Variants in ZNF454 observed in about 807,000 individuals in gnomAD.
ZNF454 encodes the protein zinc finger protein 454.
In ZNF454, 30 loss-of-function variants were observed where a neutral mutation model predicts 48.2. The observed-to-expected ratio is 0.62, with a 90% confidence interval of 0.47 to 0.84. The LOEUF is 0.84. ZNF454 is among the 40% of genes least tolerant of loss of function. The pLI is 0.00. For missense variants in ZNF454, 510 were observed against 623.1 expected (o/e 0.82, Z 1.93); for synonymous variants, 204 against 211.4 (o/e 0.97, Z 0.30).
chr5:178,942,939 C>T, intron 2 of ZNF454, 115 bp downstream of exon 2: 1 of 1,210,454 alleles, frequency 8.3e-7, no homozygotes, highest in South Asian at 1.6e-5. Context: ...ACACTGACCT[C>T]AGTTGCCTCT....
chr5:178,983,513 C>A, the ZNF454 span: 1 of 616,604 alleles, frequency 1.6e-6, no homozygotes, highest in South Asian at 1.5e-5. Flanking sequence ...TAAGGGGCAG[C>A]TTGGTGTCCT....
chr5:178,965,931 A>G lies in ZNF454; in HGVS notation c.1527A>G (p.Ala509=). ...NKCGKAFNQT[A]NLIQHQRHHI... The stretch of plus-strand genomic sequence containing the variant: ...GTGGGAAAGCTTTTAACCAGACTGC[A>G]AACCTCATTCAGCATCAGAGACATC... Residue 509 remains alanine (A), a synonymous_variant, in exon 5 of 5, where the codon GCA becomes GCG. Transcript: ENST00000519564. This position sits in a 1 kb window ranked among gnomAD's most constrained non-coding sequence, Gnocchi z 5.2. 6.2e-7 allele frequency: 1 copy of G among 1,602,320 alleles called. No homozygotes were observed. The highest frequency in any genetic ancestry group is 1.7e-5 in the Admixed American group (1 of 57,178).
chr5:178,944,229 C>T lies in ZNF454; in HGVS notation c.33+1405C>T, dbSNP rs1041651564. On this transcript the variant is annotated intron_variant, in intron 2 of 4. Transcript: ENST00000519564. This position sits in a 1 kb window ranked among gnomAD's most constrained non-coding sequence, Gnocchi z 4.1. ...CCATGTTCAACATAGCACAGCTCAC[C>T]GGCTGTTCCCCTCCTCCTCTTGGCT... Among the ~76,000 whole-genome samples, 10 of 152,108 alleles carry T rather than the reference C, an allele frequency of 6.6e-5. No homozygotes were observed. The highest frequency in any genetic ancestry group is 1.2e-4 in the Non-Finnish European group (8 of 68,018).
the ZNF454 span, chr5:178,989,961 AC>A: frequency 4.9e-6 from 1 of 204,470 alleles, no homozygotes; most frequent in Non-Finnish European, 1.0e-5. Flanking sequence ...TATCGCTAAA[AC>A]TACTCTCAGT....
At chr5:178,986,608 T>C in the ZNF454 span, 6 of 1,603,972 alleles carry the variant, frequency 3.7e-6, no homozygotes, top group Non-Finnish European at 4.2e-6. Flanking sequence ...CTCGTCCACC[T>C]GGAAGCGGTA....
chr5:178,962,268 T>C (rs1760032626), intron 4 of ZNF454, among the ~76,000 whole-genome samples: 1 of 151,764 alleles, frequency 6.6e-6, no homozygotes, highest in Non-Finnish European at 1.5e-5. Context: ...AAAGGTAGTG[T>C]ATCATTTGTT....
the ZNF454 span, among the ~76,000 whole-genome samples, chr5:178,984,591 T>A: frequency 6.6e-6 from 1 of 152,040 alleles, no homozygotes; most frequent in Non-Finnish European, 1.5e-5. Flanking sequence ...CAACGGGGTC[T>A]AAGCATCTCC....
chr5:178,985,189 G>A, the ZNF454 span: 10 of 442,344 alleles, frequency 2.3e-5, no homozygotes, highest in Middle Eastern at 3.3e-4. Flanking sequence ...CAGGAAAACC[G>A]GTCAGATAGC....
intron 4 of ZNF454, among the ~76,000 whole-genome samples, chr5:178,959,341 G>A (rs1240969652): frequency 6.6e-6 from 1 of 152,124 alleles, no homozygotes; most frequent in African/African-American, 2.4e-5. Flanking sequence ...ATACAGATTT[G>A]TTTCTGGACT....
At chr5:178,966,598 G>A (rs1424942613), downstream of ZNF454, among the ~76,000 whole-genome samples, 1 of 152,018 alleles carries the variant, frequency 6.6e-6, no homozygotes, top group Non-Finnish European at 1.5e-5. Context: ...TTGACTATTA[G>A]AGAAACTGAA....
chr5:178,979,193 C>A, the ZNF454 span: 1 of 152,276 alleles, frequency 6.6e-6, no homozygotes, highest in Non-Finnish European at 1.5e-5. Context: ...GAGCTATGAT[C>A]GTGCCACTGC....
intron 4 of ZNF454, among the ~76,000 whole-genome samples, chr5:178,963,328 G>A (rs564257431): frequency 3.3e-5 from 5 of 151,768 alleles, no homozygotes; most frequent in South Asian, 2.1e-4. Flanking sequence ...TGGCAATACC[G>A]ATGTTTAACT....
intron 4 of ZNF454, among the ~76,000 whole-genome samples, chr5:178,955,255 A>G (rs1759701842): frequency 6.6e-6 from 1 of 152,192 alleles, no homozygotes; most frequent in African/African-American, 2.4e-5. Flanking sequence ...TAGGAGCTGT[A>G]GTGGGGTGGC....
chr5:178,966,115 A>T lies in ZNF454; in HGVS notation c.*142A>T, dbSNP rs1226237632. On this transcript the variant is annotated 3_prime_UTR_variant, in exon 5 of 5. Transcript: ENST00000519564. ...ACTGAGGGTCAGGTTTCACAGTGTC[A>T]TGGGGTTTGGGCATTTAAGAATGGC... The T allele has an allele frequency of 1.3e-6, 1 of 787,624 alleles. No homozygotes were observed. Among genetic ancestry groups the T allele is most frequent in the Non-Finnish European group, 2.0e-6 (1 of 507,844 alleles). 48.8% of individuals were successfully genotyped at this position (787,624 alleles called of 1,614,324 possible).
chr5:178,972,027 G>A, the ZNF454 span, among the ~76,000 whole-genome samples: 2 of 151,970 alleles, frequency 1.3e-5, no homozygotes, highest in Admixed American at 6.6e-5. Context: ...TCAGCCTCCT[G>A]GGTTCAAGTG....
the ZNF454 span, chr5:178,989,069 G>C: frequency 6.2e-7 from 1 of 1,613,848 alleles, no homozygotes; most frequent in South Asian, 1.1e-5. Context: ...GGCGTACACC[G>C]CATCAATCAC....
chr5:178,983,349 T>C, the ZNF454 span: 8 of 819,670 alleles, frequency 9.8e-6, no homozygotes, highest in Admixed American at 1.6e-4. Flanking sequence ...CTCCACCTCT[T>C]CGTGGTGGCT....
At chr5:178,950,635 T>C (rs1759518938) in intron 4 of ZNF454, among the ~76,000 whole-genome samples, 1 of 152,250 alleles carries the variant, frequency 6.6e-6, no homozygotes, top group African/African-American at 2.4e-5. Context: ...TAATACCTTT[T>C]ATAATTTCTT....
intron 4 of ZNF454, among the ~76,000 whole-genome samples, chr5:178,950,920 C>T (rs889184247): frequency 3.3e-5 from 5 of 149,828 alleles, no homozygotes; most frequent in Non-Finnish European, 5.9e-5. Flanking sequence ...AGTGCAGTGG[C>T]GTGATCTCGG....
Sources: allele counts gnomAD v4.1 joint callset (sites outside exome capture counted in the v4.1 genomes callset), GRCh38; gene constraint gnomAD v4.1.1; non-coding constraint Gnocchi (gnomAD v3.1); transcripts MANE v1.5; gene names NCBI Gene and HGNC (gene_info 2026-07-23, HGNC 2026-07-21).